The following ARHGEF7 variants were observed in gnomAD, a reference collection of about 807,000 sequenced individuals.
ARHGEF7 encodes Rho guanine nucleotide exchange factor 7, also known as PAK-interacting exchange factor beta.
In ARHGEF7, 33 loss-of-function variants were observed where a neutral mutation model predicts 109.8. That is an observed-to-expected ratio of 0.30 (90% confidence interval 0.23 to 0.40). The LOEUF (loss-of-function observed/expected upper bound fraction) is 0.40. Ranked by LOEUF, ARHGEF7 falls within the 10% of genes least tolerant of loss-of-function variation. The pLI is 1.00. For missense variants in ARHGEF7, 938 were observed against 1,098.5 expected (o/e 0.85, Z 2.07); for synonymous variants, 458 against 424.6 (o/e 1.08, Z -0.97).
chr13:111,293,935 G>A, intron 19 of ARHGEF7: 1 of 985,444 alleles, frequency 1.0e-6, no homozygotes, highest in Non-Finnish European at 1.2e-6. Flanking sequence ...TGTTTAGAAA[G>A]TTGGGTGGCT....
intron 12 of ARHGEF7, chr13:111,276,062 C>G (rs576105436): frequency 4.6e-6 from 1 of 217,786 alleles, no homozygotes. Context: ...TCAATGCTTT[C>G]GGGTCATTAT....
intron 3 of ARHGEF7, among the ~76,000 whole-genome samples, chr13:111,207,564 C>T (rs1469286534): frequency 6.6e-6 from 1 of 152,212 alleles, no homozygotes; most frequent in Non-Finnish European, 1.5e-5. Flanking sequence ...TTTGACTCTG[C>T]TCCCATTGAA....
chr13:111,142,050 T>G (rs1441735030), intron 1 of ARHGEF7, among the ~76,000 whole-genome samples: 1 of 152,254 alleles, frequency 6.6e-6, no homozygotes, highest in African/African-American at 2.4e-5. Context: ...TCTCCTTGTT[T>G]TAATTTACAT....
At chr13:111,203,139 TA>T in intron 2 of ARHGEF7, 1 of 1,265,740 alleles carries the variant, frequency 7.9e-7, no homozygotes, top group Non-Finnish European at 1.0e-6. Context: ...TTTATGTATG[TA>T]TTTCTTTTTG....
Position 111,303,036 on chromosome 13 carries a change from C to G in ARHGEF7, c.2512C>G (p.Arg838Gly), listed in dbSNP as rs528968762. 2.5e-6 allele frequency: 4 copies of G among 1,614,114 alleles called. No homozygotes were observed. The highest frequency in any genetic ancestry group is 3.4e-6 in the Non-Finnish European group (4 of 1,179,994). Residue 838 changes from arginine to glycine, a missense_variant, in exon 22 of 22, where the codon CGC becomes GGC. Physicochemically the swap from Arg to Gly is moderately radical, Grantham distance 125. Transcript: ENST00000646102. Reference sequence around the variant, plus strand: ...ATCTCTAGAGGAAGAACAGAGAGCCCGCAAAGACCTGGAGAAGCTGGTGAG... The same window carrying G: ...ATCTCTAGAGGAAGAACAGAGAGCCGGCAAAGACCTGGAGAAGCTGGTGAG... The part of the protein sequence containing the change: ...KKSLEEEQRA[R>G]KDLEKLVRKV...
At chr13:111,140,515 T>G (rs1295125666) in intron 1 of ARHGEF7, among the ~76,000 whole-genome samples, 2 of 152,060 alleles carry the variant, frequency 1.3e-5, no homozygotes, top group Admixed American at 1.3e-4. Flanking sequence ...GAACAGCTAG[T>G]GCGAGGTCCT....
intron 5 of ARHGEF7, among the ~76,000 whole-genome samples, chr13:111,221,459 A>G (rs1224710290): frequency 1.0e-5 from 1 of 97,540 alleles, no homozygotes; most frequent in Non-Finnish European, 1.9e-5. Context: ...ATATATAGAT[A>G]TATAGACATC....
chr13:111,162,661 T>TCTAAAACACTCATCTTCC (rs1448673330), intron 2 of ARHGEF7, among the ~76,000 whole-genome samples: 11 of 152,236 alleles, frequency 7.2e-5, no homozygotes, highest in African/African-American at 2.7e-4. Context: ...CTTACCTGTT[T>TCTAAAACACTCATCTTCC]CTGAAACACT....
intron 5 of ARHGEF7, among the ~76,000 whole-genome samples, chr13:111,225,554 A>C (rs2085092240): frequency 6.7e-6 from 1 of 150,112 alleles, no homozygotes; most frequent in Non-Finnish European, 1.5e-5. Context: ...TTGTGGCAAC[A>C]CTGTTGGTGC....
rs1204042948 is a variant in ARHGEF7 at position 111,303,040 on chromosome 13, A to G, written c.2516A>G (p.Lys839Arg). 1 of 1,614,078 alleles carries G rather than the reference A, an allele frequency of 6.2e-7. No individual in the cohort carries two copies. Among genetic ancestry groups the G allele is most frequent in the Non-Finnish European group, 8.5e-7 (1 of 1,180,018 alleles). The part of the protein sequence containing the change: ...KSLEEEQRAR[K>R]DLEKLVRKVL... ...CTAGAGGAAGAACAGAGAGCCCGCAAAGACCTGGAGAAGCTGGTGAGGAAA... is the reference window on the plus strand; with the variant it reads ...CTAGAGGAAGAACAGAGAGCCCGCAGAGACCTGGAGAAGCTGGTGAGGAAA... Residue 839 changes from lysine to arginine, a missense_variant, in exon 22 of 22, where the codon AAA becomes AGA. Lys to Arg is a conservative substitution (Grantham distance 26). This residue lies in a region of ARHGEF7 where 166 missense variants were observed against 167.3 expected (regional missense o/e 0.99). Coordinates refer to ENST00000646102, the MANE Select transcript of ARHGEF7 (RefSeq NM_001354046.2).
At chr13:111,214,099 C>T (rs574166926) in intron 4 of ARHGEF7, among the ~76,000 whole-genome samples, 2 of 152,352 alleles carry the variant, frequency 1.3e-5, no homozygotes, top group African/African-American at 4.8e-5. Context: ...TGTACCCTTC[C>T]TTGGATTCCC....
chr13:111,148,950 T>C (rs1249997443), intron 1 of ARHGEF7, among the ~76,000 whole-genome samples: 1 of 152,110 alleles, frequency 6.6e-6, no homozygotes, highest in Non-Finnish European at 1.5e-5. Context: ...TCTCCTTGCG[T>C]TTTCAAGTAT....
chr13:111,205,210 G>A (rs1402975711), intron 2 of ARHGEF7, 79 bp from the exon 3 acceptor site: 23 of 1,100,534 alleles, frequency 2.1e-5, no homozygotes, highest in Admixed American at 2.0e-4. Flanking sequence ...GAGCATCGTC[G>A]CGTTGCTGGG....
At chr13:111,176,566 C>T (rs2078183313) in intron 2 of ARHGEF7, among the ~76,000 whole-genome samples, 2 of 152,206 alleles carry the variant, frequency 1.3e-5, no homozygotes, top group South Asian at 2.1e-4. Flanking sequence ...TGCCACCTGT[C>T]ACTGCCTAAA....
chr13:111,278,812 G>C (rs2153603901), intron 13 of ARHGEF7, among the ~76,000 whole-genome samples: 1 of 152,336 alleles, frequency 6.6e-6, no homozygotes, highest in East Asian at 1.9e-4. Flanking sequence ...TGGAGGCAGG[G>C]GCCTTCTCTA....
chr13:111,262,146 C>T (rs562247617), intron 8 of ARHGEF7, among the ~76,000 whole-genome samples: 9 of 152,150 alleles, frequency 5.9e-5, no homozygotes, highest in Non-Finnish European at 8.8e-5. Context: ...TACAAAAGAT[C>T]GATGAAACCA....
chr13:111,292,346 T>C (rs1395707549), intron 19 of ARHGEF7, 52 bp downstream of exon 19: 6 of 1,602,534 alleles, frequency 3.7e-6, no homozygotes, highest in Non-Finnish European at 4.3e-6. Context: ...ACTTCTGAGC[T>C]TTTCTTAACA....
At chr13:111,177,981 C>A (rs1196047563) in intron 2 of ARHGEF7, among the ~76,000 whole-genome samples, 7 of 152,210 alleles carry the variant, frequency 4.6e-5, no homozygotes. Context: ...CTCCTCTTCT[C>A]CATGCGCAGG....
intron 16 of ARHGEF7, among the ~76,000 whole-genome samples, chr13:111,283,918 AT>A (rs2092907493): frequency 6.6e-6 from 1 of 152,132 alleles, no homozygotes; most frequent in African/African-American, 2.4e-5. Flanking sequence ...GCATTTTTAT[AT>A]TTGCTAGGCG....
Sources: allele counts gnomAD v4.1 joint callset (sites outside exome capture counted in the v4.1 genomes callset), GRCh38; gene constraint gnomAD v4.1.1; regional missense constraint gnomAD v4.1.1; transcripts MANE v1.5; gene names NCBI Gene and HGNC (gene_info 2026-07-23, HGNC 2026-07-21).